Variants in CRIP1 observed in about 807,000 individuals in gnomAD.
CRIP1 encodes the protein cysteine rich protein 1, also known as cysteine-rich protein 1.
CRIP1 carries 11 observed loss-of-function variants against 12.9 expected under a neutral mutation model. That is an observed-to-expected ratio of 0.86 (90% CI 0.54 to 1.42). The LOEUF is 1.42. Among genes scored for constraint, CRIP1 ranks in the 40% most tolerant of loss-of-function variants. The pLI is 0.00. For missense variants in CRIP1, 122 were observed against 101.3 expected (o/e 1.20, Z -0.88); for synonymous variants, 41 against 37.2 (o/e 1.10, Z -0.37).
chr14:105,487,332 C>T, intron 2 of CRIP1, 33 bp downstream of exon 2: 1 of 1,524,250 alleles, frequency 6.6e-7, no homozygotes, highest in Non-Finnish European at 8.8e-7. Flanking sequence ...CGCGAGGAGG[C>T]GCCGCCGACG....
intron 2 of CRIP1, 34 bp downstream of exon 2, chr14:105,487,333 G>A (rs1555438248): frequency 2.0e-6 from 3 of 1,523,106 alleles, no homozygotes; most frequent in Non-Finnish European, 2.7e-6. Flanking sequence ...GCGAGGAGGC[G>A]CCGCCGACGG....
In CRIP1 at chr14:105,488,803, A is replaced by G; in HGVS notation, c.*146A>G. ...ACACTTGGAAAACCTGTGTGTGTACATGCGCGTGTGTGCTGGGGAGTGCCA... is the reference window on the plus strand; with the variant it reads ...ACACTTGGAAAACCTGTGTGTGTACGTGCGCGTGTGTGCTGGGGAGTGCCA... On this transcript the variant is annotated 3_prime_UTR_variant, in exon 6 of 6. Transcript: ENST00000392531. 2 of 509,092 alleles carry G rather than the reference A, an allele frequency of 3.9e-6. No homozygotes were observed. Among genetic ancestry groups the G allele is most frequent in the Non-Finnish European group, 7.0e-6 (2 of 283,892 alleles). The allele number at this position is 509,092 out of a possible 1,614,324, so 31.5% of individuals were successfully genotyped here. A position where few individuals can be genotyped will look rare whatever the true frequency, so the allele number is the denominator to read the frequency against.
In CRIP1 at chr14:105,488,927, G is replaced by A. The variant is rs2084156238; in HGVS notation, c.*270G>A. The stretch of plus-strand genomic sequence containing the variant: ...CAGGGGGCCGTTCCAGGGTCTCATA[G>A]GCGAGGGCTCCCTGTGCAGGGTGAG... On this transcript the variant is annotated 3_prime_UTR_variant, in exon 6 of 6. Transcript: ENST00000392531. 1 of 219,302 alleles carries A rather than the reference G, an allele frequency of 4.6e-6. No homozygotes were observed. Among genetic ancestry groups the A allele is most frequent in the African/African-American group, 2.3e-5 (1 of 44,020 alleles). 13.6% of individuals were successfully genotyped at this position (219,302 alleles called of 1,614,324 possible). A position where few individuals can be genotyped will look rare whatever the true frequency, so the allele number is the denominator to read the frequency against.
chr14:105,487,923 C>T (rs1428087064), intron 2 of CRIP1: 12 of 542,692 alleles, frequency 2.2e-5, no homozygotes, highest in South Asian at 2.0e-4. Context: ...GATTCCCGGC[C>T]GCACCCGAAA....
At position 105,488,387 on chromosome 14, in the gene CRIP1, A is replaced by C; in HGVS notation, c.192A>C (p.Lys64Asn). The C allele has an allele frequency of 6.2e-7, 1 of 1,612,802 alleles. No individual in the cohort carries two copies. Among genetic ancestry groups the C allele is most frequent in the Non-Finnish European group, 8.5e-7 (1 of 1,179,908 alleles). The change falls in exon 4 of 6, where the codon AAA (lysine) becomes AAC (asparagine). Residue 64 changes from lysine to asparagine, a missense_variant and splice_region_variant. By Grantham distance (94) the Lys-to-Asn change is moderately conservative. Transcript: ENST00000392531. The part of the protein sequence containing the change: ...HPCYAAMFGP[K>N]GFGRGGAESH... ...GCTACGCAGCCATGTTTGGGCCTAA[A>C]GGTATGCTCCCGTCATCCCCACCCC...
intron 1 of CRIP1, 83 bp from the exon 2 acceptor site, chr14:105,487,115 GA>G: frequency 7.1e-7 from 1 of 1,409,046 alleles, no homozygotes; most frequent in Non-Finnish European, 9.3e-7. Flanking sequence ...CCTGGGTTCA[GA>G]GGGCGGGGCG....
intron 2 of CRIP1, 45 bp from the exon 3 acceptor site, chr14:105,488,121 C>A: frequency 6.3e-7 from 1 of 1,581,550 alleles, no homozygotes; most frequent in Non-Finnish European, 8.6e-7. Context: ...TGGGTAGGCG[C>A]CGCGTCCTGC....
chr14:105,487,257 G>C lies in CRIP1; in HGVS notation c.-3G>C. On this transcript the variant is annotated 5_prime_UTR_variant, in exon 2 of 6. Transcript: ENST00000392531. ...TGCCGCCTGCACCGGACCCGGAGCC[G>C]TCATGCCCAAGTGTCCCAAGTGCAA... 1 of 1,544,410 alleles carries C rather than the reference G, an allele frequency of 6.5e-7. No individual in the cohort carries two copies. Among genetic ancestry groups the C allele is most frequent in the Non-Finnish European group, 8.7e-7 (1 of 1,144,628 alleles).
rs1432340962 is a variant in CRIP1 at position 105,487,238 on chromosome 14, C to G, written c.-22C>G. ...CCCGTGCCGCCCCAGCCGCTGCCGC[C>G]TGCACCGGACCCGGAGCCGTCATGC... On this transcript the variant is annotated 5_prime_UTR_variant, in exon 2 of 6. Transcript: ENST00000392531. 4 of 1,543,792 alleles carry G rather than the reference C, an allele frequency of 2.6e-6. No individual in the cohort carries two copies. The highest frequency in any genetic ancestry group is 3.5e-6 in the Non-Finnish European group (4 of 1,144,644).
rs1286445655 is a variant in CRIP1, at chr14:105,488,833, A to G, written c.*176A>G. 1 of 388,654 alleles carries G rather than the reference A, an allele frequency of 2.6e-6. No homozygotes were observed. Among genetic ancestry groups the G allele is most frequent in the East Asian group, 4.0e-5 (1 of 25,268 alleles). The allele number at this position is 388,654 out of a possible 1,614,324, so 24.1% of individuals were successfully genotyped here. A position where few individuals can be genotyped will look rare whatever the true frequency, so the allele number is the denominator to read the frequency against. On this transcript the variant is annotated 3_prime_UTR_variant, in exon 6 of 6. Transcript: ENST00000392531. Reference sequence around the variant, plus strand: ...CGTGTGTGCTGGGGAGTGCCAAGGGAGCTGCAGTGGGGTCCTGGCAGCAGG... The same window carrying G: ...CGTGTGTGCTGGGGAGTGCCAAGGGGGCTGCAGTGGGGTCCTGGCAGCAGG...
intron 3 of CRIP1, 27 bp from the exon 4 acceptor site, chr14:105,488,304 A>G (rs1555438482): frequency 6.2e-7 from 1 of 1,613,068 alleles, no homozygotes; most frequent in Non-Finnish European, 8.5e-7. Context: ...GGGTGATGGC[A>G]CCCCCTCACG....
rs376068793 is a variant in CRIP1, at chr14:105,488,222, A to G, written c.97A>G (p.Lys33Glu). The G allele has an allele frequency of 5.0e-6, 8 of 1,613,200 alleles. No individual in the cohort carries two copies. The highest frequency in any genetic ancestry group is 6.8e-6 in the Non-Finnish European group (8 of 1,179,994). Residue 33 changes from lysine (K) to glutamate (E), a missense_variant, in exon 3 of 6, where the codon AAA becomes GAA. Lys to Glu is a moderately conservative substitution (Grantham distance 56). Coordinates refer to ENST00000392531, the MANE Select transcript of CRIP1 (RefSeq NM_001311.5). The part of the protein sequence containing the change: ...DWHRPCLKCE[K>E]CGKTLTSGGH... ...GCATCGGCCCTGCCTGAAGTGCGAG[A>G]AATGTGGGAAGACGCTGACCTCTGG...
At chr14:105,487,953 C>A in intron 2 of CRIP1, 1 of 573,246 alleles carries the variant, frequency 1.7e-6, no homozygotes. Flanking sequence ...GGACCAGCGA[C>A]CCCGCGCTTT....
At chr14:105,487,651 A>AGTGGAAACAGAC in intron 2 of CRIP1, 1 of 241,034 alleles carries the variant, frequency 4.1e-6, no homozygotes, top group Non-Finnish European at 7.9e-6. Context: ...CCCAGCGCTA[A>AGTGGAAACAGAC]GTGGAAACAG....
chr14:105,487,866 C>T (rs2084136008), intron 2 of CRIP1: 2 of 450,284 alleles, frequency 4.4e-6, no homozygotes, highest in South Asian at 5.3e-5. Context: ...GCCGCGACCC[C>T]TGACCCTCGG....
Position 105,488,464 on chromosome 14 carries a change from T to C in CRIP1, c.194-7T>C. The C allele has an allele frequency of 6.9e-7, 1 of 1,457,304 alleles. No homozygotes were observed. The highest frequency in any genetic ancestry group is 9.2e-7 in the Non-Finnish European group (1 of 1,084,782). 90.3% of individuals were successfully genotyped at this position (1,457,304 alleles called of 1,614,324 possible). A position where few individuals can be genotyped will look rare whatever the true frequency, so the allele number is the denominator to read the frequency against. On this transcript the variant is annotated splice_region_variant and splice_polypyrimidine_tract_variant and intron_variant, in intron 4 of 5. Coordinates refer to ENST00000392531, the MANE Select transcript of CRIP1 (RefSeq NM_001311.5). ...CAGCCTGTTGACTTTTTCCACCTTC[T>C]CTGCAGGCTTTGGGCGGGGCGGAGC...
chr14:105,487,427 G>T, intron 2 of CRIP1, 128 bp downstream of exon 2: 1 of 757,592 alleles, frequency 1.3e-6, no homozygotes, highest in Non-Finnish European at 2.0e-6. Context: ...GCCTCAGCCT[G>T]GCCCGCCGCC....
Position 105,488,439 on chromosome 14 carries a change from C to T in CRIP1, c.194-32C>T, listed in dbSNP as rs200056933. 11 of 1,609,950 alleles carry T rather than the reference C, an allele frequency of 6.8e-6. No homozygotes were observed. The East Asian group carries it at 1.1e-4, about 16-fold the overall frequency. On this transcript the variant is annotated intron_variant, in intron 4 of 5. Coordinates refer to ENST00000392531, the MANE Select transcript of CRIP1 (RefSeq NM_001311.5). ...CCCCACCCCACAGCCTCCTCCACCC[C>T]AGCCTGTTGACTTTTTCCACCTTCT...
At chr14:105,487,852 C>A (rs587597601) in intron 2 of CRIP1, 2 of 415,330 alleles carry the variant, frequency 4.8e-6, no homozygotes, top group South Asian at 2.9e-5. Flanking sequence ...CCCTGCTGAC[C>A]TAAGCCGCGA....
Sources: allele counts gnomAD v4.1 joint callset, GRCh38; gene constraint gnomAD v4.1.1; transcripts MANE v1.5; gene names NCBI Gene and HGNC (gene_info 2026-07-23, HGNC 2026-07-21).